Variants in FLCN observed in about 807,000 individuals in gnomAD.
FLCN encodes folliculin.
In FLCN, 22 loss-of-function variants were observed where a neutral mutation model predicts 62.5. That is an observed-to-expected ratio of 0.35 (90% CI 0.25 to 0.50). The LOEUF is 0.50. FLCN is among the 20% of genes least tolerant of loss of function. The probability of loss-of-function intolerance (pLI) is 0.97; values close to 1 mark genes in which losing one functional copy is unlikely to be tolerated. For synonymous variants in FLCN, 319 were observed against 310.0 expected (o/e 1.03, Z -0.30); for missense variants, 657 against 778.0 (o/e 0.84, Z 1.85).
rs775722367 is a variant in FLCN, at chr17:17,215,309, A to C, written c.1308T>G (p.Ala436=). The C allele has an allele frequency of 6.2e-7, 1 of 1,613,992 alleles. No homozygotes were observed. The highest frequency in any genetic ancestry group is 8.5e-7 in the Non-Finnish European group (1 of 1,180,008). ...IPPHVLSSEF[A]VIVEVHAAAR... The stretch of plus-strand genomic sequence containing the variant: ...CGGCTGCGTGGACCTCCACGATGAC[A>C]GCAAACTCTGTAACAACACAAGGCC... Residue 436 remains alanine (A), a synonymous_variant, in exon 12 of 14, where the codon GCT becomes GCG. Transcript: ENST00000285071.
chr17:17,222,452 G>A lies in FLCN; in HGVS notation c.779+49C>T, dbSNP rs368599787. The A allele has an allele frequency of 8.2e-5, 132 of 1,612,814 alleles. No individual in the cohort carries two copies. The highest frequency in any genetic ancestry group is 1.1e-4 in the African/African-American group (8 of 74,896). ...CCATGGACAAGCCAACCAATGTATCGTGACTGCTCTATCCTAACAGATATG... is the reference window on the plus strand; with the variant it reads ...CCATGGACAAGCCAACCAATGTATCATGACTGCTCTATCCTAACAGATATG... On this transcript the variant is annotated intron_variant, in intron 7 of 13. Coordinates refer to ENST00000285071, the MANE Select transcript of FLCN (RefSeq NM_144997.7).
At position 17,217,077 on chromosome 17, in the gene FLCN, C is replaced by T. The variant is rs991762823; in HGVS notation, c.1168G>A (p.Val390Ile). The T allele has an allele frequency of 5.6e-6, 9 of 1,611,358 alleles. No homozygotes were observed. The highest frequency in any genetic ancestry group is 1.7e-5 in the Admixed American group (1 of 60,008). The change falls in exon 10 of 14, where the codon GTA becomes ATA. Residue 390 changes from valine (V) to isoleucine (I), a missense_variant. Transcript: ENST00000285071. ...DVDLVQSAFE[V>I]LRTMLPVGCV... is the part of the protein sequence containing the mutation. ...GGAAAAGATGTTCTCACCCGAAGTA[C>T]TTCAAAAGCTGACTGGACGAGGTCC... is the stretch of plus-strand genomic sequence containing the variant.
At position 17,213,257 on chromosome 17, in the gene FLCN, A is replaced by G. The variant is rs1373450930; in HGVS notation, c.*398T>C. On this transcript the variant is annotated 3_prime_UTR_variant, in exon 14 of 14. Coordinates refer to ENST00000285071, the MANE Select transcript of FLCN (RefSeq NM_144997.7). ...AGAAACTCTTGCTGAATTTCAAAGT[A>G]GAAACGCTTGAATGTTAACCTCGGG... 4.9e-6 allele frequency: 2 copies of G among 404,426 alleles called. No homozygotes were observed. The highest frequency in any genetic ancestry group is 9.2e-6 in the Non-Finnish European group (2 of 216,446). The allele number at this position is 404,426 out of a possible 1,614,324, so 25.1% of individuals were successfully genotyped here.
Position 17,224,125 on chromosome 17 carries a change from C to A in FLCN, c.415G>T (p.Gly139Cys), listed in dbSNP as rs2144982654. 1 of 1,596,692 alleles carries A rather than the reference C, an allele frequency of 6.3e-7. No homozygotes were observed. The highest frequency in any genetic ancestry group is 1.3e-5 in the African/African-American group (1 of 74,886). Residue 139 changes from glycine to cysteine, a missense_variant, in exon 6 of 14, where the codon GGC (glycine) becomes TGC (cysteine). Gly to Cys is a radical substitution (Grantham distance 159). Coordinates refer to ENST00000285071, the MANE Select transcript of FLCN (RefSeq NM_144997.7). ...TGCTCATCTCCGAAGAAGATGGGGC[C>A]TTCACGGCCAGGGCAGACCTGGAGG... ...LSCEVCPGRE[G>C]PIFFGDEQHG...
intron 9 of FLCN, among the ~76,000 whole-genome samples, chr17:17,218,198 T>C (rs180908645): frequency 2.6e-4 from 40 of 152,328 alleles, no homozygotes; most frequent in African/African-American, 9.1e-4. Context: ...TCTGACTCGA[T>C]GTAACTGGAG....
At chr17:17,218,838 C>T (rs2047000073) in intron 9 of FLCN, among the ~76,000 whole-genome samples, 181 bp downstream of exon 9, 1 of 152,214 alleles carries the variant, frequency 6.6e-6, no homozygotes, top group Admixed American at 6.5e-5. Context: ...GAAAGGGGAG[C>T]ACTGATCCTA....
At chr17:17,217,253 A>C in intron 9 of FLCN, 71 bp from the exon 10 acceptor site, 2 of 1,042,084 alleles carry the variant, frequency 1.9e-6, no homozygotes, top group Non-Finnish European at 3.0e-6. Flanking sequence ...CCATGAAGTT[A>C]TTTGTGTGTT....
In FLCN at chr17:17,237,017, G is replaced by A. The variant is rs1469358798; in HGVS notation, c.-333C>T. ...TGCGCTGGGTAGGTGGTCGCTGCGG[G>A]ACCCGGACCGGCGGAATCACACCCA... On this transcript the variant is annotated 5_prime_UTR_variant, in exon 1 of 14. Transcript: ENST00000285071. 1 of 152,200 alleles carries A rather than the reference G, an allele frequency of 6.6e-6. No homozygotes were observed. Among genetic ancestry groups the A allele is most frequent in the African/African-American group, 2.4e-5 (1 of 41,416 alleles). 9.4% of individuals were successfully genotyped at this position (152,200 alleles called of 1,614,324 possible).
intron 5 of FLCN, chr17:17,224,875 C>T (rs2047204168): frequency 6.5e-6 from 1 of 154,414 alleles, no homozygotes; most frequent in Admixed American, 6.4e-5. Flanking sequence ...TTCAGTCCCT[C>T]CTCATTACAT....
rs116179033 is a variant in FLCN at position 17,236,647 on chromosome 17, C to T, written c.-228+265G>A. 3.4e-3 allele frequency among the ~76,000 whole-genome samples: 513 copies of T among 152,278 alleles called. 1 individual carries two copies. The highest frequency in any genetic ancestry group is 0.011 in the African/African-American group (475 of 41,550). ...ACGCCAAACTGGGAGAAGAGGATGA[C>T]ACACACCCTCTCCTCCAAACAGAGC... On this transcript the variant is annotated intron_variant, in intron 1 of 13. Coordinates refer to ENST00000285071, the MANE Select transcript of FLCN (RefSeq NM_144997.7).
chr17:17,232,099 G>A (rs993628037), intron 2 of FLCN, among the ~76,000 whole-genome samples: 2 of 152,212 alleles, frequency 1.3e-5, no homozygotes, highest in African/African-American at 2.4e-5. Context: ...CTAGCTGGAA[G>A]GCCCTGAGAA....
At chr17:17,219,331 C>T (rs1172083199) in intron 8 of FLCN, 122 bp from the exon 9 acceptor site, 10 of 926,440 alleles carry the variant, frequency 1.1e-5, no homozygotes, top group Non-Finnish European at 1.4e-5. Context: ...AGGTCCTATG[C>T]TCCCTGCTCC....
rs187904646 is a variant in FLCN, at chr17:17,224,778, T to C, written c.397-635A>G. 48 of 161,486 alleles carry C rather than the reference T, an allele frequency of 3.0e-4. No homozygotes were observed. The South Asian group carries it at 6.6e-3, about 22-fold the overall frequency. The allele number at this position is 161,486 out of a possible 1,614,324, so 10.0% of individuals were successfully genotyped here. A position where few individuals can be genotyped will look rare whatever the true frequency, so the allele number is the denominator to read the frequency against. ...GTCTCGAACTCCTGACCTCAGGTGATCTGCCGGCCTTGGCCTCCCAAAGGG... is the reference window on the plus strand; with the variant it reads ...GTCTCGAACTCCTGACCTCAGGTGACCTGCCGGCCTTGGCCTCCCAAAGGG... On this transcript the variant is annotated intron_variant, in intron 5 of 13. Transcript: ENST00000285071.
In FLCN at chr17:17,227,761, A is replaced by G. The variant is rs1483518655; in HGVS notation, c.249+128T>C. 3 of 1,324,594 alleles carry G rather than the reference A, an allele frequency of 2.3e-6. No individual in the cohort carries two copies. The African/African-American group carries it at 4.4e-5, about 19-fold the overall frequency. 82.1% of individuals were successfully genotyped at this position (1,324,594 alleles called of 1,614,324 possible). On this transcript the variant is annotated intron_variant, in intron 4 of 13. Transcript: ENST00000285071. ...AAAAGCTACAGTCAGGATGAGCGGA[A>G]AGAACTGAAGGGCCCCTGAGAAGCA...
intron 3 of FLCN, 45 bp downstream of exon 3, chr17:17,231,749 T>C (rs1445440012): frequency 1.3e-5 from 2 of 152,356 alleles, no homozygotes; most frequent in Non-Finnish European, 2.9e-5. Flanking sequence ...CGGCGGCCCA[T>C]GCCTGGAACT....
Position 17,221,266 on chromosome 17 carries a change from C to T in FLCN, c.871+271G>A. On this transcript the variant is annotated intron_variant, in intron 8 of 13. Transcript: ENST00000285071. Reference sequence around the variant, plus strand: ...TCGGGACGAGAAGCCTTTAATCAGCCAGTTCTCTCTACAGACAGCCCACCT... The same window carrying T: ...TCGGGACGAGAAGCCTTTAATCAGCTAGTTCTCTCTACAGACAGCCCACCT... 3 of 1,544,842 alleles carry T rather than the reference C, an allele frequency of 1.9e-6. No homozygotes were observed. The South Asian group carries it at 3.6e-5, about 19-fold the overall frequency.
intron 4 of FLCN, among the ~76,000 whole-genome samples, chr17:17,227,106 G>A (rs929000157): frequency 6.6e-6 from 1 of 152,112 alleles, no homozygotes. Flanking sequence ...GCTCTTACAC[G>A]TCCTCTGCTT....
At position 17,224,147 on chromosome 17, in the gene FLCN, G is replaced by A; in HGVS notation, c.397-4C>T. 6.3e-7 allele frequency: 1 copy of A among 1,577,998 alleles called. No homozygotes were observed. The highest frequency in any genetic ancestry group is 8.6e-7 in the Non-Finnish European group (1 of 1,161,138). On this transcript the variant is annotated splice_polypyrimidine_tract_variant and splice_region_variant and intron_variant, in intron 5 of 13. Coordinates refer to ENST00000285071, the MANE Select transcript of FLCN (RefSeq NM_144997.7). ...GGCCTTCACGGCCAGGGCAGACCTG[G>A]AGGGACACCGGCGACTCAGACAGCC...
chr17:17,214,509 G>A (rs529065825), intron 13 of FLCN, among the ~76,000 whole-genome samples: 3 of 152,146 alleles, frequency 2.0e-5, no homozygotes, highest in Non-Finnish European at 2.9e-5. Context: ...CAGAAGAATC[G>A]CTTGAACCCG....
Sources: allele counts gnomAD v4.1 joint callset (sites outside exome capture counted in the v4.1 genomes callset), GRCh38; gene constraint gnomAD v4.1.1; transcripts MANE v1.5; gene names NCBI Gene and HGNC (gene_info 2026-07-23, HGNC 2026-07-21).